The following SMAD9 variants were observed in gnomAD, a reference collection of about 807,000 sequenced individuals.
SMAD9 encodes the protein SMAD family member 9.
SMAD9 carries 36 observed loss-of-function variants against 46.1 expected under a neutral mutation model. The observed-to-expected ratio is 0.78, with a 90% confidence interval of 0.60 to 1.03. SMAD9 has a LOEUF of 1.03. Ranked by LOEUF, SMAD9 falls within the 50% of genes least tolerant of loss-of-function variation. SMAD9 has a pLI of 0.00. For missense variants in SMAD9, 572 were observed against 599.8 expected (o/e 0.95, Z 0.48); for synonymous variants, 245 against 237.1 (o/e 1.03, Z -0.31).
rs1482732021 is a variant in SMAD9, at chr13:36,865,757, G to A, written c.783C>T (p.Asp261=). ...RHVVLSIPNG[D]FRPVCYEEPQ... ...GCTCCTCGTAACAAACTGGTCGAAA[G>A]TCTGGAAGAAAACAAACCAGAGAAC... Residue 261 remains aspartate, a splice_region_variant and synonymous_variant, in exon 5 of 7, where the codon GAC becomes GAT. Coordinates refer to ENST00000379826, the MANE Select transcript of SMAD9 (RefSeq NM_001127217.3). 6.2e-7 allele frequency: 1 copy of A among 1,613,572 alleles called. No homozygotes were observed.
At chr13:36,851,408 C>T (rs2058073683) in intron 6 of SMAD9, among the ~76,000 whole-genome samples, 1 of 152,202 alleles carries the variant, frequency 6.6e-6, no homozygotes, top group Non-Finnish European at 1.5e-5. Context: ...GAGGCCCACC[C>T]TCATGTGCAG....
Position 36,853,523 on chromosome 13 carries a change from T to C in SMAD9, c.1156A>G (p.Asn386Asp), listed in dbSNP as rs142213379. The change falls in exon 6 of 7, where the codon AAC (asparagine) becomes GAC (aspartate). Residue 386 changes from asparagine (N) to aspartate (D), a missense_variant. Transcript: ENST00000379826. ...IPSGCSLKVF[N>D]NQLFAQLLAQ... ...AGGAGCTGAGCGAAGAGCTGGTTGT[T>C]GAAGACCTTGAGGCTGCAGCCGCTG... 209 of 1,614,036 alleles carry C rather than the reference T, an allele frequency of 1.3e-4. No individual in the cohort carries two copies. Among genetic ancestry groups the C allele is most frequent in the Non-Finnish European group, 1.6e-4 (192 of 1,180,030 alleles).
At chr13:36,851,594 G>T in intron 6 of SMAD9, 1 of 247,936 alleles carries the variant, frequency 4.0e-6, no homozygotes, top group Non-Finnish European at 6.4e-6. Context: ...TGCCTGGCCT[G>T]CACATGGCAG....
intron 1 of SMAD9, among the ~76,000 whole-genome samples, chr13:36,888,167 G>A (rs902329894): frequency 3.3e-5 from 5 of 152,114 alleles, no homozygotes; most frequent in East Asian, 3.9e-4. Flanking sequence ...CTGTGCCCCC[G>A]CCCAAATCTC....
At chr13:36,920,452 ACTC>A (rs574199803), upstream of SMAD9, among the ~76,000 whole-genome samples, 442 of 151,076 alleles carry the variant, frequency 2.9e-3, 3 homozygotes, top group African/African-American at 0.011. Flanking sequence ...GCGGGGTAGT[ACTC>A]CTCGCAGCGG....
intron 1 of SMAD9, among the ~76,000 whole-genome samples, chr13:36,909,353 A>G (rs1317026591): frequency 6.6e-6 from 1 of 152,236 alleles, no homozygotes; most frequent in Non-Finnish European, 1.5e-5. Context: ...TAGTCTGAAT[A>G]TTAAGATCAT....
intron 3 of SMAD9, among the ~76,000 whole-genome samples, chr13:36,872,076 T>TA (rs768634132): frequency 1.2e-4 from 19 of 152,136 alleles, no homozygotes; most frequent in Non-Finnish European, 2.4e-4. Context: ...GACAGCATGC[T>TA]AGAGGCTCCC....
intron 6 of SMAD9, chr13:36,852,237 G>C: frequency 1.1e-6 from 1 of 903,270 alleles, no homozygotes; most frequent in Non-Finnish European, 1.3e-6. Flanking sequence ...AAAATTATTT[G>C]TCATGGTAAT....
At chr13:36,877,257 G>A (rs1417888967) in intron 2 of SMAD9, among the ~76,000 whole-genome samples, 1 of 152,224 alleles carries the variant, frequency 6.6e-6, no homozygotes, top group Admixed American at 6.5e-5. Flanking sequence ...AGCTACTCAG[G>A]AGGCTGAGGC....
At chr13:36,918,229 G>C (rs1225638361) in intron 1 of SMAD9, among the ~76,000 whole-genome samples, 1 of 152,170 alleles carries the variant, frequency 6.6e-6, no homozygotes, top group Non-Finnish European at 1.5e-5. Context: ...CAATGATGTG[G>C]CAATTCTAAA....
intron 1 of SMAD9, among the ~76,000 whole-genome samples, chr13:36,900,736 AATT>A (rs923711222): frequency 1.3e-5 from 2 of 148,670 alleles, no homozygotes; most frequent in African/African-American, 2.5e-5. Context: ...CATAAATGTA[AATT>A]ATTTTACTTA....
chr13:36,848,213 C>A lies in SMAD9; in HGVS notation c.*463G>T. 1 of 161,952 alleles carries A rather than the reference C, an allele frequency of 6.2e-6. No homozygotes were observed. Among genetic ancestry groups the A allele is most frequent in the Non-Finnish European group, 1.4e-5 (1 of 73,790 alleles). 10.0% of individuals were successfully genotyped at this position (161,952 alleles called of 1,614,324 possible). A position where few individuals can be genotyped will look rare whatever the true frequency, so the allele number is the denominator to read the frequency against. ...GTTGTTTTTTTTTTCTTGCCAACAG[C>A]ACTAAAAGTGACATCATTTAAACTG... On this transcript the variant is annotated 3_prime_UTR_variant, in exon 7 of 7. Transcript: ENST00000379826.
In SMAD9 at chr13:36,910,748, C is replaced by A. The variant is rs192235258; in HGVS notation, c.-187+9368G>T. On this transcript the variant is annotated intron_variant, in intron 1 of 6. Transcript: ENST00000379826. ...CCCTGGAGGCCCCCAGGCAACAGCA[C>A]TGATCAGCTCTCTGCTGCTCCTCTG... is the stretch of plus-strand genomic sequence containing the variant. Among the ~76,000 whole-genome samples the A allele has an allele frequency of 1.8e-3, 269 of 152,260 alleles. 3 individuals carry two copies. Among genetic ancestry groups the A allele is most frequent in the Non-Finnish European group, 1.8e-3 (121 of 68,034 alleles).
At chr13:36,904,688 A>G (rs1452993467) in intron 1 of SMAD9, among the ~76,000 whole-genome samples, 2 of 152,232 alleles carry the variant, frequency 1.3e-5, no homozygotes, top group Non-Finnish European at 2.9e-5. Context: ...TTATCTTCTC[A>G]GTCAGTACCT....
chr13:36,893,417 G>T (rs984481477), intron 1 of SMAD9, among the ~76,000 whole-genome samples: 1 of 144,940 alleles, frequency 6.9e-6, no homozygotes, highest in East Asian at 2.0e-4. Flanking sequence ...CCCCTTCACA[G>T]ATATATATAT....
chr13:36,890,473 G>A (rs1593603353), intron 1 of SMAD9, among the ~76,000 whole-genome samples: 1 of 152,068 alleles, frequency 6.6e-6, no homozygotes, highest in South Asian at 2.1e-4. Flanking sequence ...TTTTATTGAC[G>A]TAGTCAATGA....
intron 1 of SMAD9, among the ~76,000 whole-genome samples, chr13:36,904,239 T>C (rs1342322851): frequency 6.6e-6 from 1 of 152,156 alleles, no homozygotes; most frequent in African/African-American, 2.4e-5. Context: ...AAATCAACAA[T>C]GTGTCGTCAA....
At chr13:36,858,021 G>A (rs1209840719) in intron 5 of SMAD9, among the ~76,000 whole-genome samples, 1 of 152,058 alleles carries the variant, frequency 6.6e-6, no homozygotes, top group Non-Finnish European at 1.5e-5. Flanking sequence ...TGGGAAAAAG[G>A]ATATGAAGCA....
chr13:36,865,689 C>T lies in SMAD9; in HGVS notation c.851G>A (p.Arg284Gln), dbSNP rs371433324. The change falls in exon 5 of 7, where the codon CGA becomes CAA. Residue 284 changes from arginine to glutamine, a missense_variant. Coordinates refer to ENST00000379826, the MANE Select transcript of SMAD9 (RefSeq NM_001127217.3). Reference sequence around the variant, plus strand: ...GGAAGCCTGGAATGTCTCCCCAACTCGGTTGTTCAGTTCATAGTAGGCGAC... The same window carrying T: ...GGAAGCCTGGAATGTCTCCCCAACTTGGTTGTTCAGTTCATAGTAGGCGAC... ...CSVAYYELNNRVGETFQASSR... is the reference protein window; with the variant it reads ...CSVAYYELNNQVGETFQASSR... 4 of 1,614,100 alleles carry T rather than the reference C, an allele frequency of 2.5e-6. No individual in the cohort carries two copies. The highest frequency in any genetic ancestry group is 2.2e-5 in the South Asian group (2 of 91,070).
Sources: gnomAD v4.1 joint callset for allele counts (sites outside exome capture counted in the v4.1 genomes callset) on GRCh38, gnomAD v4.1.1 for gene constraint, MANE v1.5 for transcripts, NCBI Gene and HGNC (gene_info 2026-07-23, HGNC 2026-07-21) for gene names.